Variants in NUP210L observed in about 807,000 individuals in gnomAD.
The protein encoded by NUP210L is nuclear pore membrane glycoprotein 210-like.
NUP210L carries 74 observed loss-of-function variants against 208.5 expected under a neutral mutation model. The observed-to-expected ratio is 0.35, with a 90% CI of 0.29 to 0.43. The LOEUF is 0.43. NUP210L is among the 20% of genes least tolerant of loss of function. NUP210L has a pLI of 1.00. For missense variants in NUP210L, 1,843 were observed against 2,289.4 expected (o/e 0.81, Z 3.98); for synonymous variants, 780 against 816.9 (o/e 0.95, Z 0.77).
At chr1:154,149,656 C>A (rs1659289955) in intron 2 of NUP210L, among the ~76,000 whole-genome samples, 1 of 152,096 alleles carries the variant, frequency 6.6e-6, no homozygotes, top group African/African-American at 2.4e-5. Context: ...CTGCAATGAG[C>A]CATGTTTGTG....
At chr1:154,029,421 A>AGG (rs1652091430) in intron 28 of NUP210L, among the ~76,000 whole-genome samples, 1 of 148,294 alleles carries the variant, frequency 6.7e-6, no homozygotes, top group Non-Finnish European at 1.5e-5. Context: ...AACAAAAAAC[A>AGG]GGCCAGGCAC....
intron 33 of NUP210L, among the ~76,000 whole-genome samples, chr1:154,015,280 TAA>T (rs35604037): frequency 2.6e-3 from 346 of 133,124 alleles, no homozygotes; most frequent in Middle Eastern, 3.9e-3. Flanking sequence ...TACTGGATGT[TAA>T]AAAAAAAAAA....
chr1:154,150,727 CAAAAAAAAAA>C (rs1156928758), intron 2 of NUP210L, among the ~76,000 whole-genome samples: 1 of 39,672 alleles, frequency 2.5e-5, no homozygotes, highest in African/African-American at 9.2e-5. Context: ...GACTCCATCT[CAAAAAAAAAA>C]AAAAAAAAAA....
At position 153,995,656 on chromosome 1, in the gene NUP210L, C is replaced by CGT. The variant is rs772046981; in HGVS notation, c.5387-478_5387-477dup. On this transcript the variant is annotated intron_variant, in intron 37 of 39. Coordinates refer to ENST00000368559, the Ensembl canonical transcript of NUP210L. The stretch of plus-strand genomic sequence containing the variant: ...AATGGTCCAGCGTTTGACATACCAA[C>CGT]GTAGGCTTTCCTACAATACAGCCTC... 26 of 1,320,174 alleles carry CGT rather than the reference C, an allele frequency of 2.0e-5. No homozygotes were observed. In the East Asian group the frequency reaches 3.5e-4, roughly 18 times the overall value. 81.8% of individuals were successfully genotyped at this position (1,320,174 alleles called of 1,614,324 possible).
intron 12 of NUP210L, among the ~76,000 whole-genome samples, chr1:154,108,514 T>C (rs184857840): frequency 0.017 from 2,478 of 148,528 alleles, 41 homozygotes; most frequent in Non-Finnish European, 0.028. Flanking sequence ...AGTTTGTTTA[T>C]GCAATCAGTG....
chr1:154,002,283 A>G (rs1650264989), intron 35 of NUP210L, among the ~76,000 whole-genome samples: 1 of 152,002 alleles, frequency 6.6e-6, no homozygotes, highest in African/African-American at 2.4e-5. Context: ...TGGCGTGATC[A>G]TGGCATTCTG....
intron 10 of NUP210L, among the ~76,000 whole-genome samples, chr1:154,119,407 G>C (rs1246191856): frequency 6.6e-6 from 1 of 152,032 alleles, no homozygotes; most frequent in Non-Finnish European, 1.5e-5. Flanking sequence ...GGCCAACATG[G>C]TGAAACCCCA....
chr1:154,002,639 A>AT (rs1157395895), intron 35 of NUP210L, among the ~76,000 whole-genome samples: 1 of 151,712 alleles, frequency 6.6e-6, no homozygotes, highest in Non-Finnish European at 1.5e-5. Flanking sequence ...AAAAAATTAT[A>AT]TTTTTTATAG....
At chr1:154,058,573 T>C (rs1022984907) in exon 21 of NUP210L, 2 of 1,611,418 alleles carry the variant, frequency 1.2e-6, no homozygotes, top group Non-Finnish European at 1.7e-6. Flanking sequence ...ACCTTATCAA[T>C]CAGATCAAGC....
At chr1:154,027,635 A>G in intron 28 of NUP210L, 38 bp from the exon 29 acceptor site, 1 of 1,366,158 alleles carries the variant, frequency 7.3e-7, no homozygotes, top group South Asian at 1.2e-5. Context: ...TTTGGCAAAG[A>G]CAAATTATGA....
At chr1:154,137,126 G>A (rs1310338199) in intron 6 of NUP210L, among the ~76,000 whole-genome samples, 1 of 152,024 alleles carries the variant, frequency 6.6e-6, no homozygotes, top group Non-Finnish European at 1.5e-5. Context: ...TATTTTTAGA[G>A]ATGAGGTCTC....
intron 15 of NUP210L, among the ~76,000 whole-genome samples, chr1:154,091,113 T>TTA (rs1655889793): frequency 4.4e-5 from 5 of 114,752 alleles, no homozygotes; most frequent in African/African-American, 6.5e-5. Context: ...TATTATTATT[T>TTA]GAGAAAAAGT....
rs566138441 is a variant in NUP210L, at chr1:154,014,208, A to G, written c.4654-1838T>C. Among the ~76,000 whole-genome samples, 6 of 152,278 alleles carry G rather than the reference A, an allele frequency of 3.9e-5. No homozygotes were observed. The South Asian group carries it at 1.2e-3, about 32-fold the overall frequency. ...GGAATTTTGTCTTTTTCATATTTGT[A>G]TTTCTGGAGGCCAGCACAATGCCTG... On this transcript the variant is annotated intron_variant, in intron 33 of 39. Coordinates refer to ENST00000368559, the Ensembl canonical transcript of NUP210L.
intron 3 of NUP210L, among the ~76,000 whole-genome samples, chr1:154,142,626 C>T (rs1658911233): frequency 6.6e-6 from 1 of 152,132 alleles, no homozygotes; most frequent in African/African-American, 2.4e-5. Flanking sequence ...TGCGGTGGCT[C>T]ATGCCTGTAA....
At chr1:154,082,827 A>C (rs912759105) in intron 16 of NUP210L, among the ~76,000 whole-genome samples, 1 of 150,706 alleles carries the variant, frequency 6.6e-6, no homozygotes, top group Non-Finnish European at 1.5e-5. Flanking sequence ...TACAGCTCTT[A>C]AAGGTGGCAC....
chr1:154,062,567 C>CTTTTTTTTTTTTTTTT (rs34499821), intron 17 of NUP210L, among the ~76,000 whole-genome samples: 91 of 74,992 alleles, frequency 1.2e-3, no homozygotes, highest in South Asian at 2.0e-3. Flanking sequence ...TTTCTTTTTC[C>CTTTTTTTTTTTTTTTT]TTTTTTTTTT....
intron 2 of NUP210L, among the ~76,000 whole-genome samples, chr1:154,149,957 T>C (rs1391497820): frequency 3.3e-5 from 5 of 152,212 alleles, no homozygotes; most frequent in East Asian, 1.9e-4. Flanking sequence ...CCGGGTGTGG[T>C]TGGCTCATGG....
chr1:153,999,734 C>CAAAAAAAAAAAAAAAAAAAAAAAAAA (rs1172554188), intron 37 of NUP210L, among the ~76,000 whole-genome samples: 1 of 54,594 alleles, frequency 1.8e-5, no homozygotes, highest in Non-Finnish European at 3.3e-5. Flanking sequence ...AAGACTCTCT[C>CAAAAAAAAAAAAAAAAAAAAAAAAAA]AAAAAAAAAA....
At chr1:154,143,045 G>A (rs985081993) in intron 3 of NUP210L, among the ~76,000 whole-genome samples, 4 of 151,866 alleles carry the variant, frequency 2.6e-5, no homozygotes, top group Non-Finnish European at 5.9e-5. Context: ...AAAATTAGCC[G>A]GGAGTGGTGG....
Sources: gnomAD v4.1 joint callset for allele counts (sites outside exome capture counted in the v4.1 genomes callset) on GRCh38, gnomAD v4.1.1 for gene constraint, MANE v1.5 for transcripts, NCBI Gene and HGNC (gene_info 2026-07-23, HGNC 2026-07-21) for gene names.